SRFBP1: variants seen among roughly 807,000 people sequenced by gnomAD.
SRFBP1 encodes serum response factor-binding protein 1.
SRFBP1 carries 47 observed loss-of-function variants against 45.5 expected under a neutral mutation model. The ratio of observed to expected loss-of-function variants is 1.03; its 90% CI spans 0.82 to 1.32. SRFBP1 has a LOEUF of 1.32. Ranked by LOEUF, SRFBP1 falls within the 40% of genes most tolerant of loss-of-function variation. SRFBP1 has a pLI of 0.00. For missense variants in SRFBP1, 621 were observed against 484.6 expected (o/e 1.28, Z -2.64); for synonymous variants, 203 against 166.3 (o/e 1.22, Z -1.70).
At chr5:122,000,214 G>A (rs1005557358) in intron 4 of SRFBP1, among the ~76,000 whole-genome samples, 1 of 151,964 alleles carries the variant, frequency 6.6e-6, no homozygotes, top group Admixed American at 6.6e-5. Flanking sequence ...AACAGTAAAT[G>A]CCAATTACTT....
chr5:122,056,460 A>T (rs894047264), intron 2 of SRFBP1, among the ~76,000 whole-genome samples: 1 of 152,174 alleles, frequency 6.6e-6, no homozygotes, highest in East Asian at 1.9e-4. Flanking sequence ...TTCTTGAGAA[A>T]CGCATCTGGC....
At chr5:122,021,565 A>C (rs764791024) in intron 6 of SRFBP1, among the ~76,000 whole-genome samples, 4 of 152,148 alleles carry the variant, frequency 2.6e-5, no homozygotes, top group Non-Finnish European at 4.4e-5. Flanking sequence ...TGTTGAAATA[A>C]TTAAAATATT....
rs191845173 is a variant in SRFBP1 at position 122,049,326 on chromosome 5, G to C, written n.312-25989G>C. On this transcript the variant is annotated intron_variant and non_coding_transcript_variant, in intron 2 of 2. Transcript: ENST00000504881. ...GGATCAATTCAACAAGAAGAGCTAA[G>C]TATCCTAAATATGTATGCACCCAAT... Among the ~76,000 whole-genome samples the C allele has an allele frequency of 5.0e-3, 763 of 152,078 alleles. 10 individuals carry two copies. Among genetic ancestry groups the C allele is most frequent in the African/African-American group, 0.017 (717 of 41,518 alleles).
chr5:122,075,862 T>G (rs1182733056), downstream of SRFBP1, among the ~76,000 whole-genome samples: 1 of 152,140 alleles, frequency 6.6e-6, no homozygotes, highest in African/African-American at 2.4e-5. Flanking sequence ...TAGAATCAAT[T>G]CAAGTTTGAT....
At chr5:122,000,299 GCTTTGAAC>G (rs1752833660) in intron 4 of SRFBP1, among the ~76,000 whole-genome samples, 1 of 151,784 alleles carries the variant, frequency 6.6e-6, no homozygotes, top group African/African-American at 2.4e-5. Context: ...TTCTATTTTT[GCTTTGAAC>G]ATTTGAACAT....
downstream of SRFBP1, chr5:122,076,904 G>C (rs1754654179): frequency 6.2e-7 from 1 of 1,614,024 alleles, no homozygotes; most frequent in African/African-American, 1.3e-5. Flanking sequence ...TGGCCAGACA[G>C]TTTTCCTCCG....
intron 7 of SRFBP1, 110 bp downstream of exon 7, chr5:122,022,517 C>T: frequency 1.2e-6 from 1 of 860,454 alleles, no homozygotes; most frequent in East Asian, 2.9e-5. Context: ...ATTATGTACC[C>T]ACAGAAATGT....
rs188544159 is a variant in SRFBP1, at chr5:122,003,087, A to G, written c.270+8417A>G. 1.6e-4 allele frequency among the ~76,000 whole-genome samples: 25 copies of G among 152,276 alleles called. 2 individuals are homozygous for G. The East Asian group carries it at 4.6e-3, about 28-fold the overall frequency. ...GGCTGGGCATGGCGGCTCACCCTGT[A>G]GTCCCAGTGCTTTGGGAGGCCAAGA... On this transcript the variant is annotated intron_variant, in intron 4 of 7. Coordinates refer to ENST00000339397, the MANE Select transcript of SRFBP1 (RefSeq NM_152546.3).
intron 2 of SRFBP1, among the ~76,000 whole-genome samples, chr5:122,054,370 G>A (rs558644064): frequency 6.6e-5 from 10 of 152,290 alleles, no homozygotes; most frequent in African/African-American, 2.2e-4. Flanking sequence ...AGACAGGCTG[G>A]TGCCCAGCTT....
Position 122,027,311 on chromosome 5 carries a change from C to T in SRFBP1, c.*185C>T. 1 of 447,220 alleles carries T rather than the reference C, an allele frequency of 2.2e-6. No homozygotes were observed. The highest frequency in any genetic ancestry group is 4.0e-6 in the Non-Finnish European group (1 of 251,198). 27.7% of individuals were successfully genotyped at this position (447,220 alleles called of 1,614,324 possible). ...AAAGGGCTGGGACTGCAGGTGCATGCACTACCATGCCCAGCTTTCTCACCC... is the reference window on the plus strand; with the variant it reads ...AAAGGGCTGGGACTGCAGGTGCATGTACTACCATGCCCAGCTTTCTCACCC... On this transcript the variant is annotated 3_prime_UTR_variant, in exon 8 of 8. Transcript: ENST00000339397.
chr5:122,024,666 C>T (rs1753438968), intron 7 of SRFBP1, among the ~76,000 whole-genome samples: 2 of 152,130 alleles, frequency 1.3e-5, no homozygotes, highest in Admixed American at 1.3e-4. Flanking sequence ...TGATTGTATG[C>T]CTAAAAGGAA....
chr5:121,979,406 T>G (rs1267901129), intron 3 of SRFBP1, among the ~76,000 whole-genome samples: 1 of 152,240 alleles, frequency 6.6e-6, no homozygotes, highest in Non-Finnish European at 1.5e-5. Flanking sequence ...TATGAATGCT[T>G]AAACAAGTTT....
rs561710512 is a variant in SRFBP1, at chr5:121,988,619, C to T, written c.199-5980C>T. ...GAGGGTTTTTATTGGCTGTTAGTCA[C>T]GTAAGCATGAATTGCCTGCATGGCT... On this transcript the variant is annotated intron_variant, in intron 3 of 7. Transcript: ENST00000339397. Among the ~76,000 whole-genome samples, 422 of 152,274 alleles carry T rather than the reference C, an allele frequency of 2.8e-3. 2 individuals are homozygous for T. The highest frequency in any genetic ancestry group is 9.4e-3 in the African/African-American group (390 of 41,562).
chr5:122,006,591 C>A (rs576328687), intron 4 of SRFBP1, among the ~76,000 whole-genome samples: 2 of 152,062 alleles, frequency 1.3e-5, no homozygotes, highest in South Asian at 4.1e-4. Context: ...CCTTTTCATT[C>A]TTTTTTCTAA....
chr5:121,966,076 G>A (rs1248668724), intron 1 of SRFBP1, among the ~76,000 whole-genome samples: 1 of 152,132 alleles, frequency 6.6e-6, no homozygotes, highest in Non-Finnish European at 1.5e-5. Flanking sequence ...TCAGCTTAAG[G>A]AGATTTGGGG....
In SRFBP1 at chr5:122,027,581, C is replaced by T. The variant is rs1470778918; in HGVS notation, c.*455C>T. The T allele has an allele frequency of 1.3e-5, 2 of 152,140 alleles. No individual in the cohort carries two copies. Among genetic ancestry groups the T allele is most frequent in the African/African-American group, 2.4e-5 (1 of 41,396 alleles). 9.4% of individuals were successfully genotyped at this position (152,140 alleles called of 1,614,324 possible). A position where few individuals can be genotyped will look rare whatever the true frequency, so the allele number is the denominator to read the frequency against. The stretch of plus-strand genomic sequence containing the variant: ...TTAGTGCTTATCATGAAATGTGCTT[C>T]ACTGGTTCAGCTCTGTTGTTTCCTT... On this transcript the variant is annotated 3_prime_UTR_variant, in exon 8 of 8. Coordinates refer to ENST00000339397, the MANE Select transcript of SRFBP1 (RefSeq NM_152546.3).
chr5:122,074,012 C>T lies in SRFBP1; in HGVS notation n.312-1303C>T, dbSNP rs1213452826. The T allele has an allele frequency of 6.2e-7, 1 of 1,611,692 alleles. No individual in the cohort carries two copies. The highest frequency in any genetic ancestry group is 8.5e-7 in the Non-Finnish European group (1 of 1,178,330). ...TTCTGGATTTCAGGGTGCCAACATA[C>T]CTGTGTGTGTGCAGTACATGCAAAT... On this transcript the variant is annotated intron_variant and non_coding_transcript_variant, in intron 2 of 2. Coordinates refer to the SRFBP1 transcript ENST00000504881.
chr5:122,048,255 A>C (rs1226355853), intron 2 of SRFBP1, among the ~76,000 whole-genome samples: 1 of 152,070 alleles, frequency 6.6e-6, no homozygotes. Context: ...TTTCACATGA[A>C]GGTTGTTGAA....
intron 2 of SRFBP1, chr5:122,063,345 T>TA (rs1754216465): frequency 6.6e-6 from 1 of 151,942 alleles, no homozygotes; most frequent in Non-Finnish European, 1.5e-5. Flanking sequence ...TTACACGTCT[T>TA]ACAAATAACA....
Sources: allele counts gnomAD v4.1 joint callset (sites outside exome capture counted in the v4.1 genomes callset), GRCh38; gene constraint gnomAD v4.1.1; transcripts MANE v1.5; gene names NCBI Gene and HGNC (gene_info 2026-07-23, HGNC 2026-07-21).